Variants in SGCZ observed in about 807,000 individuals in gnomAD.
The protein encoded by SGCZ is zeta-sarcoglycan.
In SGCZ, 40 loss-of-function variants were observed where a neutral mutation model predicts 41.3. The observed-to-expected ratio is 0.97, with a 90% CI of 0.75 to 1.26. SGCZ has a LOEUF of 1.26. Ranked by LOEUF, SGCZ falls within the 50% of genes most tolerant of loss-of-function variation. The pLI is 0.00. For synonymous variants in SGCZ, 206 were observed against 137.5 expected (o/e 1.50, Z -3.49); for missense variants, 552 against 369.8 (o/e 1.49, Z -4.04).
chr8:15,029,910 A>C (rs1184444817), intron 1 of SGCZ, among the ~76,000 whole-genome samples: 2 of 152,136 alleles, frequency 1.3e-5, no homozygotes, highest in East Asian at 3.8e-4. Flanking sequence ...CAAAGCAAGC[A>C]AGTGATCTGA....
intron 1 of SGCZ, among the ~76,000 whole-genome samples, chr8:15,092,073 T>G (rs1806173948): frequency 6.6e-6 from 1 of 152,126 alleles, no homozygotes; most frequent in Non-Finnish European, 1.5e-5. Context: ...TAAAGCACTG[T>G]TGTTTATACA....
chr8:14,395,042 G>A (rs1007643367), intron 2 of SGCZ, among the ~76,000 whole-genome samples: 1 of 152,100 alleles, frequency 6.6e-6, no homozygotes, highest in African/African-American at 2.4e-5. Context: ...ATCTACCTCA[G>A]ACAATTCTGA....
At chr8:14,740,596 G>T (rs1051764316) in intron 1 of SGCZ, among the ~76,000 whole-genome samples, 1 of 151,998 alleles carries the variant, frequency 6.6e-6, no homozygotes, top group Non-Finnish European at 1.5e-5. Flanking sequence ...CACTAATTAA[G>T]AGCTGACATA....
chr8:14,417,389 C>T (rs1484664717), intron 2 of SGCZ, among the ~76,000 whole-genome samples: 1 of 151,616 alleles, frequency 6.6e-6, no homozygotes, highest in African/African-American at 2.4e-5. Context: ...ACTTATAATT[C>T]AATTTTTTTA....
At chr8:14,292,085 G>A (rs770122814) in intron 3 of SGCZ, among the ~76,000 whole-genome samples, 2 of 152,008 alleles carry the variant, frequency 1.3e-5, no homozygotes, top group African/African-American at 4.8e-5. Context: ...ACTGTGACAG[G>A]TAGATATCAA....
chr8:14,979,676 G>A (rs949135665), intron 1 of SGCZ, among the ~76,000 whole-genome samples: 16 of 152,234 alleles, frequency 1.1e-4, no homozygotes, highest in South Asian at 6.2e-4. Flanking sequence ...ATATGAATTC[G>A]AAGCTGTGCC....
At chr8:14,401,771 A>C (rs977225942) in intron 2 of SGCZ, among the ~76,000 whole-genome samples, 1 of 151,114 alleles carries the variant, frequency 6.6e-6, no homozygotes, top group African/African-American at 2.5e-5. Flanking sequence ...TCTTCATAGC[A>C]GCATGATTTA....
chr8:14,569,383 T>C (rs1055677650), intron 1 of SGCZ, among the ~76,000 whole-genome samples: 10 of 152,246 alleles, frequency 6.6e-5, no homozygotes, highest in Admixed American at 1.3e-4. Flanking sequence ...ATTTCTGTTA[T>C]ACCAAAATAA....
chr8:14,408,973 A>G (rs13277495), intron 2 of SGCZ, among the ~76,000 whole-genome samples: 8 of 65,218 alleles, frequency 1.2e-4, no homozygotes, highest in Middle Eastern at 8.2e-3. Flanking sequence ...GTGTGTGTGC[A>G]TGTGTGCGTG....
intron 1 of SGCZ, among the ~76,000 whole-genome samples, chr8:15,152,332 C>G (rs1902620): frequency 0.21 from 32,193 of 152,126 alleles, 3,812 homozygotes; most frequent in East Asian, 0.47. Flanking sequence ...AAGTTTCAAG[C>G]TGAGAAGAAT....
intron 2 of SGCZ, among the ~76,000 whole-genome samples, chr8:14,390,207 T>G (rs1804719268): frequency 6.6e-6 from 1 of 152,000 alleles, no homozygotes; most frequent in Non-Finnish European, 1.5e-5. Context: ...TTTTATTTTA[T>G]TCTAGCAATA....
chr8:14,541,910 T>C lies in SGCZ; in HGVS notation c.234+12822A>G, dbSNP rs367757312. 8.6e-4 allele frequency among the ~76,000 whole-genome samples: 131 copies of C among 152,328 alleles called. 2 individuals are homozygous for C. The highest frequency in any genetic ancestry group is 3.0e-3 in the African/African-American group (125 of 41,590). ...TGATGAGCTTTTTTCCATATGTTTGTTGGCCACAAATATGTCTTCTTTTCA... is the reference window on the plus strand; with the variant it reads ...TGATGAGCTTTTTTCCATATGTTTGCTGGCCACAAATATGTCTTCTTTTCA... On this transcript the variant is annotated intron_variant, in intron 2 of 7. Transcript: ENST00000382080.
chr8:14,948,549 C>T (rs991839739), intron 1 of SGCZ, among the ~76,000 whole-genome samples: 31 of 151,954 alleles, frequency 2.0e-4, no homozygotes, highest in Non-Finnish European at 4.1e-4. Flanking sequence ...CAATAAAAAG[C>T]AGAGCCTGGT....
Position 14,168,412 on chromosome 8 carries a change from TATC to T in SGCZ, c.425-3713_425-3711del, listed in dbSNP as rs554860094. On this transcript the variant is annotated intron_variant, in intron 4 of 7. Coordinates refer to ENST00000382080, the MANE Select transcript of SGCZ (RefSeq NM_139167.4). ...AATTGTAGCTCCCACAATTCCCACATATCATGGGAGGGACCCAGTGGGAGGTAA... is the reference window on the plus strand; with the variant it reads ...AATTGTAGCTCCCACAATTCCCACATATGGGAGGGACCCAGTGGGAGGTAA... Among the ~76,000 whole-genome samples the T allele has an allele frequency of 4.5e-4, 68 of 152,224 alleles. No homozygotes were observed. In the East Asian group the frequency reaches 0.013, roughly 28 times the overall value.
intron 1 of SGCZ, among the ~76,000 whole-genome samples, chr8:14,912,615 A>T (rs1799309530): frequency 6.6e-6 from 1 of 152,084 alleles, no homozygotes; most frequent in Non-Finnish European, 1.5e-5. Context: ...TAACTCACAC[A>T]CCATGAGTGT....
At chr8:15,193,528 C>T (rs576997585) in intron 1 of SGCZ, among the ~76,000 whole-genome samples, 1 of 151,968 alleles carries the variant, frequency 6.6e-6, no homozygotes, top group Non-Finnish European at 1.5e-5. Context: ...AAACCACCAC[C>T]AGCAACAAAA....
At chr8:14,805,550 C>A (rs1403408567) in intron 1 of SGCZ, among the ~76,000 whole-genome samples, 1 of 135,696 alleles carries the variant, frequency 7.4e-6, no homozygotes, top group Non-Finnish European at 1.6e-5. Flanking sequence ...TATATATGCA[C>A]CCAATACAGG....
At chr8:14,272,522 T>C (rs1165791540) in intron 3 of SGCZ, among the ~76,000 whole-genome samples, 1 of 152,182 alleles carries the variant, frequency 6.6e-6, no homozygotes, top group Non-Finnish European at 1.5e-5. Context: ...TTCAAGCTAT[T>C]AATATGACAT....
chr8:14,992,477 T>C (rs1428548028), intron 1 of SGCZ, among the ~76,000 whole-genome samples: 1 of 143,376 alleles, frequency 7.0e-6, no homozygotes, highest in Non-Finnish European at 1.5e-5. Context: ...TACTCCCAAA[T>C]CTACTCCCAA....
Sources: gnomAD v4.1 joint callset for allele counts (sites outside exome capture counted in the v4.1 genomes callset) on GRCh38, gnomAD v4.1.1 for gene constraint, MANE v1.5 for transcripts, NCBI Gene and HGNC (gene_info 2026-07-23, HGNC 2026-07-21) for gene names.